The following STK32B variants were observed in gnomAD, a reference collection of about 807,000 sequenced individuals.
STK32B encodes serine/threonine kinase 32B.
STK32B carries 43 observed loss-of-function variants against 52.6 expected under a neutral mutation model. The observed-to-expected ratio is 0.82, with a 90% CI of 0.64 to 1.05. The LOEUF is 1.05. Ranked by LOEUF, STK32B falls within the 50% of genes least tolerant of loss-of-function variation. The pLI is 0.00. For missense variants in STK32B, 621 were observed against 534.6 expected (o/e 1.16, Z -1.59); for synonymous variants, 238 against 204.3 (o/e 1.17, Z -1.41).
chr4:5,310,468 A>G (rs1330913435), intron 3 of STK32B, among the ~76,000 whole-genome samples: 1 of 152,194 alleles, frequency 6.6e-6, no homozygotes, highest in Non-Finnish European at 1.5e-5. Context: ...AGGGAAATGT[A>G]AATCAAAACC....
At chr4:5,456,750 G>T in intron 7 of STK32B, 57 bp from the exon 8 acceptor site, 1 of 1,408,740 alleles carries the variant, frequency 7.1e-7, no homozygotes, top group East Asian at 2.4e-5. Flanking sequence ...CTTAAAATGC[G>T]GACGGTGCCT....
At chr4:5,160,538 C>G (rs181824758) in intron 2 of STK32B, among the ~76,000 whole-genome samples, 1 of 152,240 alleles carries the variant, frequency 6.6e-6, no homozygotes, top group Admixed American at 6.5e-5. Flanking sequence ...GCTACCTTTT[C>G]CGGATTGCCT....
At position 5,413,781 on chromosome 4, in the gene STK32B, G is replaced by A. The variant is rs143839689; in HGVS notation, c.473-3064G>A. 5.5e-3 allele frequency among the ~76,000 whole-genome samples: 831 copies of A among 152,246 alleles called. 1 individual carries two copies. The highest frequency in any genetic ancestry group is 9.4e-3 in the Non-Finnish European group (640 of 68,022). On this transcript the variant is annotated intron_variant, in intron 5 of 11. Transcript: ENST00000282908. ...CTGAGAGGCTGATCACATGGGAAAC[G>A]GGCAGCCTCCTCTGCAGCGAGGTAA...
chr4:5,381,302 C>T (rs1187264033), intron 4 of STK32B, among the ~76,000 whole-genome samples: 1 of 152,210 alleles, frequency 6.6e-6, no homozygotes, highest in African/African-American at 2.4e-5. Flanking sequence ...GGAAGCTAGA[C>T]TTAGAGCATT....
intron 1 of STK32B, among the ~76,000 whole-genome samples, chr4:5,105,980 G>A (rs546713354): frequency 3.9e-5 from 6 of 151,928 alleles, no homozygotes; most frequent in Non-Finnish European, 8.8e-5. Context: ...TGTATTCATT[G>A]CCCATAATGT....
chr4:5,441,003 T>C (rs1420252963), intron 6 of STK32B, among the ~76,000 whole-genome samples: 1 of 150,416 alleles, frequency 6.6e-6, no homozygotes, highest in African/African-American at 2.4e-5. Flanking sequence ...TGGATTCGTT[T>C]TGCCAGTATT....
intron 3 of STK32B, among the ~76,000 whole-genome samples, chr4:5,246,709 T>C (rs1211422710): frequency 6.6e-6 from 1 of 152,228 alleles, no homozygotes; most frequent in East Asian, 1.9e-4. Context: ...TGGTTTTATC[T>C]ACCTTTGGTC....
chr4:5,144,355 AT>A (rs1441728598), intron 2 of STK32B, among the ~76,000 whole-genome samples: 2 of 152,178 alleles, frequency 1.3e-5, no homozygotes, highest in Non-Finnish European at 1.5e-5. Context: ...CCAACCTGAT[AT>A]TCAATAAATG....
chr4:5,401,056 G>T (rs1174700569), intron 5 of STK32B, among the ~76,000 whole-genome samples: 2 of 152,174 alleles, frequency 1.3e-5, no homozygotes, highest in Non-Finnish European at 2.9e-5. Flanking sequence ...TGGACAGGTG[G>T]TAGAGACAGT....
intron 3 of STK32B, among the ~76,000 whole-genome samples, chr4:5,242,140 A>C (rs1414945040): frequency 6.6e-6 from 1 of 152,232 alleles, no homozygotes; most frequent in Non-Finnish European, 1.5e-5. Flanking sequence ...TAGATCCCTG[A>C]GGAATTGCCA....
chr4:5,452,602 C>T (rs1716108951), intron 7 of STK32B, among the ~76,000 whole-genome samples: 1 of 152,030 alleles, frequency 6.6e-6, no homozygotes, highest in African/African-American at 2.4e-5. Context: ...TTTAAATTGC[C>T]TAAGGAACTG....
intron 4 of STK32B, among the ~76,000 whole-genome samples, chr4:5,369,791 A>G (rs778048567): frequency 5.9e-5 from 9 of 152,204 alleles, no homozygotes; most frequent in South Asian, 2.1e-4. Flanking sequence ...GAGGATTTCA[A>G]TCATGATCCT....
chr4:5,185,465 G>A (rs1427693808), intron 3 of STK32B, among the ~76,000 whole-genome samples: 2 of 152,188 alleles, frequency 1.3e-5, no homozygotes, highest in East Asian at 3.8e-4. Flanking sequence ...AGTGTTGAGA[G>A]CTTTGATTAA....
chr4:5,405,597 G>A (rs1010602389), intron 5 of STK32B, among the ~76,000 whole-genome samples: 1 of 152,112 alleles, frequency 6.6e-6, no homozygotes, highest in Non-Finnish European at 1.5e-5. Flanking sequence ...TGTTCAGGAG[G>A]CATGGCTGGG....
upstream of STK32B, among the ~76,000 whole-genome samples, chr4:5,047,719 G>A (rs1050483609): frequency 2.6e-5 from 4 of 152,204 alleles, no homozygotes; most frequent in East Asian, 1.9e-4. Context: ...GCAGTGGCAG[G>A]TGGTGAGTCA....
chr4:5,257,047 GTGAA>G (rs1161031176), intron 3 of STK32B, among the ~76,000 whole-genome samples: 1 of 146,772 alleles, frequency 6.8e-6, no homozygotes, highest in Non-Finnish European at 1.5e-5. Flanking sequence ...AAGTGAATGA[GTGAA>G]TGAATATGTG....
At chr4:5,184,684 C>CCAAAAA (rs1720606745) in intron 3 of STK32B, among the ~76,000 whole-genome samples, 1 of 105,408 alleles carries the variant, frequency 9.5e-6, no homozygotes, top group Non-Finnish European at 2.0e-5. Context: ...GAGACTGTCT[C>CCAAAAA]AAAAAAAAAA....
intron 3 of STK32B, among the ~76,000 whole-genome samples, chr4:5,174,117 T>A (rs1381636900): frequency 6.6e-6 from 1 of 152,168 alleles, no homozygotes; most frequent in Non-Finnish European, 1.5e-5. Flanking sequence ...GAGACTAGGA[T>A]TGCAACCCCT....
intron 3 of STK32B, among the ~76,000 whole-genome samples, chr4:5,305,297 T>C (rs1239837382): frequency 2.6e-5 from 4 of 152,102 alleles, no homozygotes; most frequent in Non-Finnish European, 5.9e-5. Flanking sequence ...CTGATAGAAA[T>C]CAGCTGTGAA....
Sources: gnomAD v4.1 joint callset for allele counts (sites outside exome capture counted in the v4.1 genomes callset) on GRCh38, gnomAD v4.1.1 for gene constraint, MANE v1.5 for transcripts, NCBI Gene and HGNC (gene_info 2026-07-23, HGNC 2026-07-21) for gene names.